Variants in TRPM3 observed in about 807,000 individuals in gnomAD.
The protein encoded by TRPM3 is transient receptor potential cation channel subfamily M member 3, also known as long transient receptor potential channel 3.
Under a neutral mutation model 181.2 loss-of-function variants are expected in TRPM3, and 77 were observed. The ratio of observed to expected loss-of-function variants is 0.42; its 90% CI spans 0.35 to 0.51. The LOEUF is 0.51. Ranked by LOEUF, TRPM3 falls within the 20% of genes least tolerant of loss-of-function variation. TRPM3 has a pLI of 0.01. For synonymous variants in TRPM3, 745 were observed against 796.4 expected (o/e 0.94, Z 1.09); for missense variants, 1,759 against 2,196.7 (o/e 0.80, Z 3.98).
At position 71,131,419 on chromosome 9, in the gene TRPM3, T is replaced by G. The variant is rs142634118; in HGVS notation, c.184-266908A>C. Among the ~76,000 whole-genome samples the G allele has an allele frequency of 3.7e-3, 564 of 152,362 alleles. 6 individuals are homozygous for G. Among genetic ancestry groups the G allele is most frequent in the African/African-American group, 0.013 (525 of 41,584 alleles). ...TTTAATTGATTGGTTTATTTACTTT[T>G]GGCCTTAATCTACGAATGGAATGTA... is the stretch of plus-strand genomic sequence containing the variant. On this transcript the variant is annotated intron_variant, in intron 1 of 24. Coordinates refer to the TRPM3 transcript ENST00000357533.
intron 1 of TRPM3, among the ~76,000 whole-genome samples, chr9:71,116,086 C>T (rs531267256): frequency 6.6e-6 from 1 of 152,266 alleles, no homozygotes; most frequent in African/African-American, 2.4e-5. Context: ...CCTAACAATA[C>T]ATCATGTTTT....
intron 22 of TRPM3, among the ~76,000 whole-genome samples, chr9:70,581,572 A>G (rs149571874): frequency 2.0e-5 from 3 of 152,338 alleles, no homozygotes; most frequent in African/African-American, 4.8e-5. Context: ...GCCTGTGTGG[A>G]GATCAGTCTA....
At chr9:70,943,521 CTGAG>C (rs2096905066) in intron 1 of TRPM3, among the ~76,000 whole-genome samples, 1 of 152,160 alleles carries the variant, frequency 6.6e-6, no homozygotes. Context: ...TTTTGCTTTA[CTGAG>C]TTAGAAATAA....
chr9:70,598,728 A>G (rs4744606), intron 20 of TRPM3, 58 bp from the exon 21 acceptor site: 9 of 1,574,300 alleles, frequency 5.7e-6, no homozygotes, highest in Non-Finnish European at 7.8e-6. Context: ...TTTTCAGCCC[A>G]GTTGGGAAGT....
chr9:70,621,354 T>A (rs2063608161), intron 14 of TRPM3, 81 bp from the exon 15 acceptor site: 1 of 1,126,272 alleles, frequency 8.9e-7, no homozygotes, highest in Middle Eastern at 2.3e-4. Context: ...TATTATATAT[T>A]TTTTGTTTTG....
At chr9:71,215,060 A>C (rs71505929) in intron 1 of TRPM3, among the ~76,000 whole-genome samples, 41,242 of 146,306 alleles carry the variant, frequency 0.28, 6,169 homozygotes, top group East Asian at 0.36. Flanking sequence ...AAAAAAAAAA[A>C]AACAACAACC....
intron 1 of TRPM3, among the ~76,000 whole-genome samples, chr9:71,312,272 A>C (rs1260429996): frequency 6.6e-6 from 1 of 152,182 alleles, no homozygotes; most frequent in Non-Finnish European, 1.5e-5. Context: ...AGCTCACCAA[A>C]GAAACAGATG....
chr9:70,600,822 C>T (rs1401547155), intron 20 of TRPM3, among the ~76,000 whole-genome samples: 1 of 152,208 alleles, frequency 6.6e-6, no homozygotes, highest in Non-Finnish European at 1.5e-5. Context: ...GCTTTTCCAA[C>T]CCTTTGCTCA....
intron 8 of TRPM3, among the ~76,000 whole-genome samples, chr9:70,701,365 A>G (rs1439688196): frequency 1.3e-5 from 2 of 152,220 alleles, no homozygotes; most frequent in South Asian, 2.1e-4. Flanking sequence ...TTCTGTCTCA[A>G]TGGTGTGACT....
chr9:70,793,469 A>T (rs1441486902), intron 6 of TRPM3: 1,515 of 123,084 alleles, frequency 0.012, 33 homozygotes, highest in Admixed American at 0.048. Context: ...AAAAAAAAAA[A>T]ATATATATAT....
chr9:71,158,250 T>A (rs1429499933), intron 1 of TRPM3, among the ~76,000 whole-genome samples: 1 of 152,174 alleles, frequency 6.6e-6, no homozygotes. Context: ...TTAATGTGAT[T>A]ATCCTCATTT....
chr9:70,775,729 T>G lies in TRPM3; in HGVS notation c.1148+8376A>C, dbSNP rs575947524. ...GTATTCCTTTGAAATGCAAATTACC[T>G]GACCTCAACCAGATTTATTGAATTA... On this transcript the variant is annotated intron_variant, in intron 7 of 25. Coordinates refer to ENST00000677713, the MANE Select transcript of TRPM3 (RefSeq NM_001366145.2). 143 of 152,102 alleles carry G rather than the reference T, an allele frequency of 9.4e-4. 1 individual carries two copies. The highest frequency in any genetic ancestry group is 3.3e-3 in the African/African-American group (139 of 41,510). The allele number at this position is 152,102 out of a possible 1,614,324, so 9.4% of individuals were successfully genotyped here. A position where few individuals can be genotyped will look rare whatever the true frequency, so the allele number is the denominator to read the frequency against.
intron 25 of TRPM3, among the ~76,000 whole-genome samples, chr9:70,542,579 G>T (rs2043740366): frequency 1.3e-5 from 2 of 152,212 alleles, no homozygotes. Flanking sequence ...TTCAAAAGAA[G>T]ATTATGGTGG....
intron 1 of TRPM3, among the ~76,000 whole-genome samples, chr9:71,151,759 T>C (rs1385876045): frequency 6.6e-6 from 1 of 152,084 alleles, no homozygotes; most frequent in African/African-American, 2.4e-5. Flanking sequence ...AATAAAGGGC[T>C]CTTAAGTAGC....
At chr9:70,632,072 A>G (rs1279585643) in intron 12 of TRPM3, among the ~76,000 whole-genome samples, 1 of 152,228 alleles carries the variant, frequency 6.6e-6, no homozygotes, top group Non-Finnish European at 1.5e-5. Context: ...ATATGCACAC[A>G]TATATTTCCC....
At chr9:71,031,957 AAT>A (rs1206356032) in intron 1 of TRPM3, among the ~76,000 whole-genome samples, 3 of 4,022 alleles carry the variant, frequency 7.5e-4, no homozygotes, top group Non-Finnish European at 1.0e-3. Flanking sequence ...ATATATATAT[AAT>A]TATATATATA....
chr9:70,872,810 T>A (rs994721794), intron 1 of TRPM3, among the ~76,000 whole-genome samples: 1 of 151,944 alleles, frequency 6.6e-6, no homozygotes, highest in African/African-American at 2.4e-5. Context: ...ATAGAGGATG[T>A]AGGCAAATCA....
intron 1 of TRPM3, among the ~76,000 whole-genome samples, chr9:71,309,164 T>C (rs1045995924): frequency 1.3e-5 from 2 of 152,204 alleles, no homozygotes; most frequent in Non-Finnish European, 2.9e-5. Context: ...AGATTACTTA[T>C]ACCTTTTCAA....
chr9:71,065,241 G>A (rs1399606124), intron 1 of TRPM3, among the ~76,000 whole-genome samples: 1 of 152,120 alleles, frequency 6.6e-6, no homozygotes, highest in East Asian at 1.9e-4. Context: ...GTTCAATCAA[G>A]TGGGACTGTC....
Sources: allele counts gnomAD v4.1 joint callset (sites outside exome capture counted in the v4.1 genomes callset), GRCh38; gene constraint gnomAD v4.1.1; transcripts MANE v1.5; gene names NCBI Gene and HGNC (gene_info 2026-07-23, HGNC 2026-07-21).